ATG14: variants seen among roughly 807,000 people sequenced by gnomAD.
ATG14 encodes the protein autophagy related 14.
In ATG14, 35 loss-of-function variants were observed where a neutral mutation model predicts 60.4. The observed-to-expected ratio is 0.58, with a 90% CI of 0.44 to 0.77. The LOEUF is 0.77. Among genes scored for constraint, ATG14 ranks in the 30% least tolerant of loss-of-function variants. The pLI is 0.00. For synonymous variants in ATG14, 234 were observed against 228.8 expected (o/e 1.02, Z -0.21); for missense variants, 647 against 626.3 (o/e 1.03, Z -0.35).
At chr14:55,381,126 T>C (rs1885026931) in intron 6 of ATG14, among the ~76,000 whole-genome samples, 1 of 152,086 alleles carries the variant, frequency 6.6e-6, no homozygotes, top group African/African-American at 2.4e-5. Context: ...CCACTCAATG[T>C]ACAGCATCTC....
chr14:55,383,758 A>G (rs766304113), intron 5 of ATG14, among the ~76,000 whole-genome samples: 1 of 151,358 alleles, frequency 6.6e-6, no homozygotes, highest in African/African-American at 2.4e-5. Context: ...CTCCCTCTCA[A>G]ATCAAAAAAC....
At chr14:55,384,699 T>C (rs754472496) in intron 5 of ATG14, among the ~76,000 whole-genome samples, 6 of 152,212 alleles carry the variant, frequency 3.9e-5, no homozygotes, top group South Asian at 2.1e-4. Flanking sequence ...CTGAAGAGAA[T>C]AGTTATGAAA....
At chr14:55,391,159 T>A in intron 3 of ATG14, 167 bp from the exon 4 acceptor site, 2 of 536,684 alleles carry the variant, frequency 3.7e-6, no homozygotes, top group Non-Finnish European at 6.5e-6. Flanking sequence ...AAGAGAACGA[T>A]GTTTTTCTAG....
chr14:55,380,867 ATATATATAT>A (rs1311162466), intron 6 of ATG14, among the ~76,000 whole-genome samples, 177 bp from the exon 7 acceptor site: 2 of 95,002 alleles, frequency 2.1e-5, no homozygotes, highest in South Asian at 3.1e-4. Context: ...ATATATATAT[ATATATATAT>A]TTTTTTTTTT....
chr14:55,370,923 G>A (rs1434083607), intron 9 of ATG14, among the ~76,000 whole-genome samples: 1 of 151,990 alleles, frequency 6.6e-6, no homozygotes, highest in Non-Finnish European at 1.5e-5. Flanking sequence ...TTACAGTTGT[G>A]AGCCACCACG....
At chr14:55,408,161 A>T (rs1276083215) in intron 1 of ATG14, among the ~76,000 whole-genome samples, 1 of 152,170 alleles carries the variant, frequency 6.6e-6, no homozygotes, top group East Asian at 1.9e-4. Context: ...AAGTTAAGAA[A>T]CTTGCTCAGG....
At position 55,392,510 on chromosome 14, in the gene ATG14, G is replaced by A. The variant is rs576020095; in HGVS notation, c.328-1518C>T. Among the ~76,000 whole-genome samples, 3 of 152,176 alleles carry A rather than the reference G, an allele frequency of 2.0e-5. No individual in the cohort carries two copies. In the South Asian group the frequency reaches 6.2e-4, roughly 32 times the overall value. ...CAAAAATACAAAAAATTAGCCAGGT[G>A]TGGTGACATGCATCTATAGTCCCAG... is the stretch of plus-strand genomic sequence containing the variant. On this transcript the variant is annotated intron_variant, in intron 3 of 9. Coordinates refer to ENST00000247178, the MANE Select transcript of ATG14 (RefSeq NM_014924.5).
chr14:55,397,305 G>T, intron 2 of ATG14, 67 bp downstream of exon 2: 1 of 1,311,918 alleles, frequency 7.6e-7, no homozygotes, highest in Non-Finnish European at 1.1e-6. Flanking sequence ...GCATACCACA[G>T]CACTGAATTC....
intron 9 of ATG14, among the ~76,000 whole-genome samples, chr14:55,376,459 TC>T (rs1884920795): frequency 6.6e-6 from 1 of 152,208 alleles, no homozygotes; most frequent in Non-Finnish European, 1.5e-5. Flanking sequence ...AGGCATGAAC[TC>T]CCTGTAAAAT....
At chr14:55,384,379 C>T (rs1428154443) in intron 5 of ATG14, among the ~76,000 whole-genome samples, 1 of 152,196 alleles carries the variant, frequency 6.6e-6, no homozygotes, top group Non-Finnish European at 1.5e-5. Context: ...ATACAATAAT[C>T]ACAACCAGAT....
chr14:55,407,786 T>C (rs1433306308), intron 1 of ATG14, among the ~76,000 whole-genome samples: 1 of 151,986 alleles, frequency 6.6e-6, no homozygotes, highest in Non-Finnish European at 1.5e-5. Context: ...TAGCAAATAA[T>C]GAATAGGGGA....
chr14:55,399,378 T>C (rs1260374362), intron 1 of ATG14, among the ~76,000 whole-genome samples: 1 of 152,218 alleles, frequency 6.6e-6, no homozygotes, highest in Non-Finnish European at 1.5e-5. Flanking sequence ...ATTCCCATCA[T>C]TGTGGAAAGT....
At chr14:55,387,659 A>T (rs763151494) in intron 4 of ATG14, among the ~76,000 whole-genome samples, 5 of 152,010 alleles carry the variant, frequency 3.3e-5, no homozygotes, top group Non-Finnish European at 7.4e-5. Context: ...GGTTGCACGC[A>T]TTAGATTTCT....
chr14:55,408,240 C>T (rs1284029490), intron 1 of ATG14, among the ~76,000 whole-genome samples: 2 of 152,056 alleles, frequency 1.3e-5, no homozygotes, highest in Non-Finnish European at 2.9e-5. Flanking sequence ...ATGGCTTGAG[C>T]TCCAGAGTCC....
intron 9 of ATG14, among the ~76,000 whole-genome samples, chr14:55,370,641 ATTTC>A (rs1244070826): frequency 6.6e-6 from 1 of 150,860 alleles, no homozygotes; most frequent in African/African-American, 2.4e-5. Context: ...GCCTTTCTGC[ATTTC>A]TTTTTTTTTT....
chr14:55,381,210 T>C (rs759089494), intron 6 of ATG14, among the ~76,000 whole-genome samples: 2 of 152,130 alleles, frequency 1.3e-5, no homozygotes, highest in Non-Finnish European at 2.9e-5. Context: ...CACCTTTGTA[T>C]CTCCAGCACC....
In ATG14 at chr14:55,385,969, C is replaced by T; in HGVS notation, c.537G>A (p.Lys179=). The T allele has an allele frequency of 3.1e-6, 5 of 1,614,086 alleles. No homozygotes were observed. The highest frequency in any genetic ancestry group is 4.2e-6 in the Non-Finnish European group (5 of 1,180,014). Residue 179 remains lysine (K), a synonymous_variant, in exon 5 of 10, where the codon AAG becomes AAA. Transcript: ENST00000247178. ...NRKLGDLVEK[K]TIDLRSHYER... is the part of the protein sequence containing the mutation. Reference sequence around the variant, plus strand: ...CATAATGACTTCTTAAGTCAATGGTCTTTTTTTCTACCAGGTCACCAAGTT... The same window carrying T: ...CATAATGACTTCTTAAGTCAATGGTTTTTTTTTCTACCAGGTCACCAAGTT...
intron 4 of ATG14, among the ~76,000 whole-genome samples, chr14:55,388,687 C>A (rs531261688): frequency 2.0e-5 from 3 of 152,190 alleles, no homozygotes; most frequent in Non-Finnish European, 4.4e-5. Context: ...TGTCATAATT[C>A]AACAACAACA....
At position 55,386,048 on chromosome 14, in the gene ATG14, C is replaced by T; in HGVS notation, c.458G>A (p.Ser153Asn). Residue 153 changes from serine (S) to asparagine (N), a missense_variant, in exon 5 of 10, where the codon AGT becomes AAT. Ser to Asn is a conservative substitution (Grantham distance 46). Coordinates refer to ENST00000247178, the MANE Select transcript of ATG14 (RefSeq NM_014924.5). ...TTTCTCTTGGTGCCGTTGTGCTCGA[C>T]TGTAAAGCTTCTGATTCTTTTCCTT... The part of the protein sequence containing the change: ...KTKEKNQKLY[S>N]RAQRHQEKKE... The T allele has an allele frequency of 1.2e-6, 2 of 1,613,680 alleles. No individual in the cohort carries two copies. The highest frequency in any genetic ancestry group is 1.7e-6 in the Non-Finnish European group (2 of 1,179,924).
Sources: allele counts gnomAD v4.1 joint callset (sites outside exome capture counted in the v4.1 genomes callset), GRCh38; gene constraint gnomAD v4.1.1; transcripts MANE v1.5; gene names NCBI Gene and HGNC (gene_info 2026-07-23, HGNC 2026-07-21).